OSTF1: variants seen among roughly 807,000 people sequenced by gnomAD.
OSTF1 encodes osteoclast stimulating factor 1.
Under a neutral mutation model 37.2 loss-of-function variants are expected in OSTF1, and 27 were observed. That is an observed-to-expected ratio of 0.73 (90% CI 0.54 to 1.00). OSTF1 has a LOEUF of 1.00. OSTF1 is among the 50% of genes least tolerant of loss of function. The pLI, the probability that OSTF1 is intolerant of heterozygous loss-of-function variation, is 0.00. For missense variants in OSTF1, 232 were observed against 253.8 expected, an observed-to-expected ratio of 0.91 and a Z score of 0.58; for synonymous variants, 82 against 89.2, an observed-to-expected ratio of 0.92 and a Z score of 0.46.
intron 7 of OSTF1, 55 bp from the exon 8 acceptor site, chr9:75,137,483 A>G: frequency 8.6e-7 from 1 of 1,160,290 alleles, no homozygotes; most frequent in South Asian, 1.2e-5. Flanking sequence ...ATTAACATGT[A>G]CTTTCAATCC....
chr9:75,134,367 C>A lies in OSTF1; in HGVS notation c.380C>A (p.Thr127Asn). The part of the protein sequence containing the change: ...GHKDIVEMLF[T>N]QPNIELNQQN... ...TCAGATATAGTGGAAATGCTATTTA[C>A]TCAACCAAATATTGAACTGAACCAG... Residue 127 changes from threonine to asparagine, a missense_variant, in exon 7 of 10, where the codon ACT (threonine) becomes AAT (asparagine). Physicochemically the swap from Thr to Asn is moderately conservative, Grantham distance 65. Transcript: ENST00000346234. 1 of 1,570,116 alleles carries A rather than the reference C, an allele frequency of 6.4e-7. No homozygotes were observed. The highest frequency in any genetic ancestry group is 8.7e-7 in the Non-Finnish European group (1 of 1,145,404).
chr9:75,097,519 A>C (rs1293541186), intron 1 of OSTF1, among the ~76,000 whole-genome samples: 1 of 152,222 alleles, frequency 6.6e-6, no homozygotes, highest in Non-Finnish European at 1.5e-5. Flanking sequence ...AGTTATAATC[A>C]AGTTTACATT....
intron 1 of OSTF1, among the ~76,000 whole-genome samples, chr9:75,094,594 A>G (rs1266626942): frequency 1.3e-5 from 2 of 152,002 alleles, no homozygotes; most frequent in African/African-American, 2.4e-5. Context: ...CACACCTTAT[A>G]CCTCAGGGCA....
At chr9:75,120,084 C>T (rs1385237419) in intron 2 of OSTF1, among the ~76,000 whole-genome samples, 1 of 152,294 alleles carries the variant, frequency 6.6e-6, no homozygotes, top group African/African-American at 2.4e-5. Context: ...TACAGATGCT[C>T]TTCAACTTAT....
chr9:75,115,873 G>A (rs1000022544), intron 1 of OSTF1, among the ~76,000 whole-genome samples: 2 of 151,984 alleles, frequency 1.3e-5, no homozygotes, highest in Admixed American at 1.3e-4. Flanking sequence ...GGAGTCTCAG[G>A]CAGGCAGATC....
intron 1 of OSTF1, among the ~76,000 whole-genome samples, chr9:75,102,007 C>T (rs568612736): frequency 6.6e-6 from 1 of 152,330 alleles, no homozygotes; most frequent in South Asian, 2.1e-4. Flanking sequence ...CTTGCTCTGT[C>T]ACCTAGGCTG....
intron 2 of OSTF1, among the ~76,000 whole-genome samples, chr9:75,126,345 C>G (rs1825661353): frequency 1.3e-5 from 2 of 152,172 alleles, no homozygotes; most frequent in African/African-American, 4.8e-5. Flanking sequence ...ATGCTCATGA[C>G]AGAATTTGGA....
At chr9:75,102,116 A>G (rs1825203455) in intron 1 of OSTF1, among the ~76,000 whole-genome samples, 1 of 152,150 alleles carries the variant, frequency 6.6e-6, no homozygotes, top group Non-Finnish European at 1.5e-5. Context: ...GTAGGCGCAC[A>G]TTACTGTCCC....
At chr9:75,106,329 C>G (rs1014599493) in intron 1 of OSTF1, among the ~76,000 whole-genome samples, 1 of 152,148 alleles carries the variant, frequency 6.6e-6, no homozygotes, top group Admixed American at 6.5e-5. Context: ...GGATTATAGC[C>G]TCTCTTTTTA....
Position 75,147,033 on chromosome 9 carries a change from A to ATTTTTTTTTTTTTTTTTTTTTTT in OSTF1, c.*314_*315insTTTTTTTTTTTTTTTTTTTTTTT, listed in dbSNP as rs34855201. ...TTTTTTTCTTTAAAAACAAATTAGG[A>ATTTTTTTTTTTTTTTTTTTTTTT]TTTTTTTTTTTTTTTTTTTTTTAGT... On this transcript the variant is annotated 3_prime_UTR_variant, in exon 10 of 10. Transcript: ENST00000346234. The ATTTTTTTTTTTTTTTTTTTTTTT allele has an allele frequency of 9.3e-6, 1 of 107,898 alleles. No homozygotes were observed. Among genetic ancestry groups the ATTTTTTTTTTTTTTTTTTTTTTT allele is most frequent in the Non-Finnish European group, 1.8e-5 (1 of 56,234 alleles). The allele number at this position is 107,898 out of a possible 1,614,324, so 6.7% of individuals were successfully genotyped here.
At chr9:75,121,211 GC>G (rs1825575704) in intron 2 of OSTF1, among the ~76,000 whole-genome samples, 1 of 152,158 alleles carries the variant, frequency 6.6e-6, no homozygotes, top group African/African-American at 2.4e-5. Flanking sequence ...GCCTAAAGCT[GC>G]TTTTACTATT....
At chr9:75,102,826 C>T (rs1335739291) in intron 1 of OSTF1, among the ~76,000 whole-genome samples, 1 of 152,210 alleles carries the variant, frequency 6.6e-6, no homozygotes, top group African/African-American at 2.4e-5. Context: ...TGTCACCTCC[C>T]ACAATAGCCT....
chr9:75,124,380 T>A (rs1587461655), intron 2 of OSTF1, among the ~76,000 whole-genome samples: 1 of 152,088 alleles, frequency 6.6e-6, no homozygotes, highest in African/African-American at 2.4e-5. Flanking sequence ...TCTTTCTAAA[T>A]TTTTTTTGTA....
intron 1 of OSTF1, among the ~76,000 whole-genome samples, chr9:75,097,118 A>G (rs1306568691): frequency 6.6e-6 from 1 of 152,204 alleles, no homozygotes; most frequent in East Asian, 1.9e-4. Flanking sequence ...CATTCCTGCC[A>G]AAGTTAATAT....
chr9:75,090,454 C>T (rs1205941999), intron 1 of OSTF1, among the ~76,000 whole-genome samples: 1 of 152,108 alleles, frequency 6.6e-6, no homozygotes, highest in African/African-American at 2.4e-5. Context: ...TATGGTTAAA[C>T]ATGACAGGTG....
intron 1 of OSTF1, among the ~76,000 whole-genome samples, chr9:75,106,969 A>G (rs1825296637): frequency 6.7e-6 from 1 of 149,458 alleles, no homozygotes; most frequent in South Asian, 2.1e-4. Flanking sequence ...AAAAAAGAAA[A>G]AGAAAAAGAA....
intron 7 of OSTF1, 22 bp from the exon 8 acceptor site, chr9:75,137,516 C>G (rs1825861357): frequency 6.6e-7 from 1 of 1,522,346 alleles, no homozygotes; most frequent in East Asian, 2.3e-5. Flanking sequence ...AAAAATGGTA[C>G]TTTCTCTTTT....
At chr9:75,145,101 C>T (rs1256215360) in intron 9 of OSTF1, among the ~76,000 whole-genome samples, 1 of 152,108 alleles carries the variant, frequency 6.6e-6, no homozygotes, top group Non-Finnish European at 1.5e-5. Flanking sequence ...TTCATTCTAT[C>T]AATCAATCAA....
chr9:75,138,466 C>G (rs564528256), intron 8 of OSTF1, among the ~76,000 whole-genome samples: 14 of 152,088 alleles, frequency 9.2e-5, no homozygotes, highest in Admixed American at 7.9e-4. Flanking sequence ...ACAACTGAGC[C>G]CTTTAAATGG....
Sources: allele counts gnomAD v4.1 joint callset (sites outside exome capture counted in the v4.1 genomes callset), GRCh38; gene constraint gnomAD v4.1.1; transcripts MANE v1.5; gene names NCBI Gene and HGNC (gene_info 2026-07-23, HGNC 2026-07-21).